The following CCSER1 variants were observed in gnomAD, a reference collection of about 807,000 sequenced individuals.
CCSER1 encodes serine-rich coiled-coil domain-containing protein 1.
Under a neutral mutation model 82.0 loss-of-function variants are expected in CCSER1, and 41 were observed. The observed-to-expected ratio is 0.50, with a 90% CI of 0.39 to 0.65. CCSER1 has a LOEUF of 0.65. Ranked by LOEUF, CCSER1 falls within the 30% of genes least tolerant of loss-of-function variation. The pLI is 0.00. For synonymous variants in CCSER1, 414 were observed against 383.9 expected (o/e 1.08, Z -0.92); for missense variants, 1,119 against 1,064.2 (o/e 1.05, Z -0.72).
intron 5 of CCSER1, among the ~76,000 whole-genome samples, chr4:90,564,434 A>G (rs978918389): frequency 1.3e-5 from 2 of 152,210 alleles, no homozygotes; most frequent in African/African-American, 4.8e-5. Flanking sequence ...ACCATTTATC[A>G]GATATATAGT....
rs1745323157 is a variant in CCSER1 at position 90,361,265 on chromosome 4, C to T, written c.1510-38771C>T. On this transcript the variant is annotated intron_variant, in intron 3 of 10. Coordinates refer to ENST00000509176, the MANE Select transcript of CCSER1 (RefSeq NM_001145065.2). ...CAGGTTTCAGCAAATAGCAGGTTCT[C>T]AATAATTATTAGCAACTATTGTGAG... Among the ~76,000 whole-genome samples the T allele has an allele frequency of 2.0e-5, 3 of 152,184 alleles. No individual in the cohort carries two copies. The South Asian group carries it at 6.2e-4, about 31-fold the overall frequency.
intron 10 of CCSER1, among the ~76,000 whole-genome samples, chr4:91,275,231 T>C (rs756467811): frequency 6.6e-6 from 1 of 152,202 alleles, no homozygotes. Context: ...ATAGTGCATG[T>C]ATTAATTTAC....
At chr4:90,691,580 G>A (rs1735922631) in intron 6 of CCSER1, among the ~76,000 whole-genome samples, 1 of 151,448 alleles carries the variant, frequency 6.6e-6, no homozygotes, top group African/African-American at 2.4e-5. Flanking sequence ...CATGTATAAT[G>A]CATGTGAATA....
intron 7 of CCSER1, among the ~76,000 whole-genome samples, chr4:90,761,566 C>T (rs779238263): frequency 1.3e-5 from 2 of 152,080 alleles, no homozygotes; most frequent in African/African-American, 2.4e-5. Flanking sequence ...TATCCATATG[C>T]CAGTGTCGGC....
intron 10 of CCSER1, among the ~76,000 whole-genome samples, chr4:91,197,835 C>T (rs904276905): frequency 5.3e-5 from 8 of 151,938 alleles, no homozygotes; most frequent in Admixed American, 2.0e-4. Flanking sequence ...GTTATAATTG[C>T]TTCTGTATTT....
At chr4:90,705,186 C>CT (rs1268048287) in intron 6 of CCSER1, among the ~76,000 whole-genome samples, 1 of 152,158 alleles carries the variant, frequency 6.6e-6, no homozygotes, top group Non-Finnish European at 1.5e-5. Flanking sequence ...AGTTTTCCTT[C>CT]TAACAGTCAG....
At chr4:90,463,428 G>A (rs936035278) in intron 4 of CCSER1, among the ~76,000 whole-genome samples, 3 of 152,166 alleles carry the variant, frequency 2.0e-5, no homozygotes, top group African/African-American at 7.2e-5. Context: ...TGCAATGACA[G>A]TAATAACAAT....
intron 9 of CCSER1, among the ~76,000 whole-genome samples, chr4:90,932,499 T>C (rs1192781484): frequency 6.6e-6 from 1 of 152,020 alleles, no homozygotes; most frequent in East Asian, 1.9e-4. Flanking sequence ...TAATATAGAA[T>C]GAAAAGTATT....
At chr4:91,091,541 A>T (rs1284652784) in intron 10 of CCSER1, among the ~76,000 whole-genome samples, 1 of 152,218 alleles carries the variant, frequency 6.6e-6, no homozygotes, top group African/African-American at 2.4e-5. Context: ...CCATGTTATA[A>T]GGAAAATAAG....
At chr4:90,568,921 C>G (rs1779765991) in intron 5 of CCSER1, among the ~76,000 whole-genome samples, 1 of 151,986 alleles carries the variant, frequency 6.6e-6, no homozygotes, top group Non-Finnish European at 1.5e-5. Flanking sequence ...GCGCCCACCA[C>G]CACGCTCGGC....
chr4:90,823,499 T>C (rs1028756690), intron 8 of CCSER1, among the ~76,000 whole-genome samples: 1 of 152,082 alleles, frequency 6.6e-6, no homozygotes. Context: ...TATTCAAATA[T>C]AGATTTCAAA....
At chr4:90,835,591 G>T (rs1403499196) in intron 8 of CCSER1, among the ~76,000 whole-genome samples, 3 of 151,998 alleles carry the variant, frequency 2.0e-5, no homozygotes, top group Admixed American at 2.0e-4. Context: ...TGCCCCCTGA[G>T]CATATTTTAT....
At chr4:90,317,515 G>A (rs555128145) in intron 3 of CCSER1, among the ~76,000 whole-genome samples, 14 of 152,094 alleles carry the variant, frequency 9.2e-5, no homozygotes, top group Non-Finnish European at 1.3e-4. Flanking sequence ...CCAGCTACTC[G>A]GAAGGCTGAG....
chr4:90,630,069 G>A lies in CCSER1; in HGVS notation c.1932+1837G>A, dbSNP rs191003651. ...AGAAATTGGCAAACACTGCAAATTA[G>A]GGCCTCTTATTTTTGGCAAGCCTGT... is the stretch of plus-strand genomic sequence containing the variant. On this transcript the variant is annotated intron_variant, in intron 6 of 10. Coordinates refer to ENST00000509176, the MANE Select transcript of CCSER1 (RefSeq NM_001145065.2). Among the ~76,000 whole-genome samples the A allele has an allele frequency of 1.6e-3, 248 of 152,270 alleles. 1 individual carries two copies. The highest frequency in any genetic ancestry group is 2.7e-3 in the Non-Finnish European group (186 of 68,016).
intron 1 of CCSER1, among the ~76,000 whole-genome samples, chr4:90,303,696 C>T (rs943777941): frequency 4.6e-5 from 7 of 152,156 alleles, no homozygotes; most frequent in Non-Finnish European, 2.9e-5. Flanking sequence ...ACCATAAAAA[C>T]CCTAGAAGAA....
chr4:91,056,436 G>A (rs1031990220), intron 9 of CCSER1, among the ~76,000 whole-genome samples: 1 of 152,130 alleles, frequency 6.6e-6, no homozygotes, highest in African/African-American at 2.4e-5. Flanking sequence ...CAGAATGGAG[G>A]AACCCAATTT....
At chr4:90,217,446 C>T (rs1741279230) in intron 1 of CCSER1, among the ~76,000 whole-genome samples, 1 of 152,170 alleles carries the variant, frequency 6.6e-6, no homozygotes, top group Non-Finnish European at 1.5e-5. Context: ...ATTCCGCCCG[C>T]CTCGGCCTCC....
At chr4:91,457,703 G>T (rs1394121506) in intron 10 of CCSER1, among the ~76,000 whole-genome samples, 1 of 151,848 alleles carries the variant, frequency 6.6e-6, no homozygotes, top group African/African-American at 2.4e-5. Flanking sequence ...TGTTTTACTT[G>T]AGATTTTTTT....
chr4:91,149,564 C>T (rs982014222), intron 10 of CCSER1, among the ~76,000 whole-genome samples: 14 of 152,122 alleles, frequency 9.2e-5, no homozygotes, highest in South Asian at 2.1e-4. Flanking sequence ...ATGCCTATGT[C>T]CTGAATGGTA....
Sources: allele counts gnomAD v4.1 joint callset (sites outside exome capture counted in the v4.1 genomes callset), GRCh38; gene constraint gnomAD v4.1.1; transcripts MANE v1.5; gene names NCBI Gene and HGNC (gene_info 2026-07-23, HGNC 2026-07-21).